LARGE1: variants seen among roughly 807,000 people sequenced by gnomAD.
The protein encoded by LARGE1 is xylosyl- and glucuronyltransferase LARGE1.
A neutral mutation model predicts 87.6 loss-of-function variants in LARGE1; 43 were observed. That is an observed-to-expected ratio of 0.49 (90% CI 0.38 to 0.63). LARGE1 has a LOEUF of 0.63. LARGE1 is among the 30% of genes least tolerant of loss of function. The probability of loss-of-function intolerance (pLI) is 0.00; values close to 1 mark genes in which losing one functional copy is unlikely to be tolerated. For synonymous variants in LARGE1, 434 were observed against 394.6 expected, an observed-to-expected ratio of 1.10 and a Z score of -1.18; for missense variants, 802 against 1,000.2, an observed-to-expected ratio of 0.80 and a Z score of 2.67.
At chr22:33,547,668 C>T (rs180928495) in intron 6 of LARGE1, among the ~76,000 whole-genome samples, 473 of 151,812 alleles carry the variant, frequency 3.1e-3, no homozygotes, top group African/African-American at 0.011. Flanking sequence ...GTGGCATGTA[C>T]CTGTAATTCC....
At chr22:33,399,953 C>G (rs931328002) in intron 7 of LARGE1, among the ~76,000 whole-genome samples, 8 of 152,200 alleles carry the variant, frequency 5.3e-5, no homozygotes, top group African/African-American at 1.7e-4. Context: ...CAGCTAATCA[C>G]TAAATCACAG....
intron 1 of LARGE1, among the ~76,000 whole-genome samples, chr22:33,908,079 C>T (rs1307812546): frequency 1.3e-5 from 2 of 152,302 alleles, no homozygotes; most frequent in South Asian, 2.1e-4. Context: ...TTCACATCAA[C>T]CCATCCACCA....
chr22:33,506,197 A>AAT (rs113938616), intron 6 of LARGE1, among the ~76,000 whole-genome samples: 3,694 of 149,132 alleles, frequency 0.025, 41 homozygotes, highest in Admixed American at 0.026. Context: ...TGTGCTACAT[A>AAT]ATATATATAT....
intron 6 of LARGE1, among the ~76,000 whole-genome samples, chr22:33,549,729 G>A (rs1301724766): frequency 2.6e-5 from 4 of 152,190 alleles, no homozygotes; most frequent in Non-Finnish European, 4.4e-5. Flanking sequence ...AAGAGCACAT[G>A]GATCGTGGAC....
chr22:33,650,542 G>A lies in LARGE1; in HGVS notation c.233C>T (p.Ala78Val). Reference protein sequence around the residue: ...RMREVEEENRALRRQLSLAQG... With the variant: ...RMREVEEENRVLRRQLSLAQG... ...GGCCAGGCTGAGCTGCCTGCGGAGG[G>A]CGCGGTTCTCCTCCTCCACCTCGCG... is the stretch of plus-strand genomic sequence containing the variant. The change falls in exon 3 of 15, where the codon GCC becomes GTC. Residue 78 changes from alanine to valine, a missense_variant. This residue lies in a region of LARGE1 where 177 missense variants were observed against 158.3 expected (regional missense o/e 1.12). Transcript: ENST00000397394. 4 of 1,610,366 alleles carry A rather than the reference G, an allele frequency of 2.5e-6. No homozygotes were observed. Among genetic ancestry groups the A allele is most frequent in the Non-Finnish European group, 2.5e-6 (3 of 1,179,958 alleles).
At position 33,241,224 on chromosome 22, in the gene LARGE1, C is replaced by G. The variant is rs189872825; in HGVS notation, c.1730+63005G>C. Among the ~76,000 whole-genome samples the G allele has an allele frequency of 2.0e-4, 30 of 152,226 alleles. No individual in the cohort carries two copies. The East Asian group carries it at 2.1e-3, about 11-fold the overall frequency. ...TTTCTTGAAGACATATGCTCTCTCT[C>G]TCTCTCACATCTGGACCTGAGCACA... On this transcript the variant is annotated intron_variant, in intron 11 of 11. Coordinates refer to the LARGE1 transcript ENST00000608642.
In LARGE1 at chr22:33,223,965, A is replaced by C. The variant is rs540002268; in HGVS notation, c.1731-57133T>G. The stretch of plus-strand genomic sequence containing the variant: ...TGCTCACAGCCACCTCTATGCCCCC[A>C]GCTCTGCAACAGCCTAGCACAGTGA... On this transcript the variant is annotated intron_variant, in intron 11 of 11. Transcript: ENST00000608642. Among the ~76,000 whole-genome samples, 61 of 152,296 alleles carry C rather than the reference A, an allele frequency of 4.0e-4. No individual in the cohort carries two copies. In the South Asian group the frequency reaches 6.4e-3, roughly 16 times the overall value.
At chr22:33,274,664 C>A (rs750145658) in intron 14 of LARGE1, 40 bp from the exon 15 acceptor site, 3 of 1,578,260 alleles carry the variant, frequency 1.9e-6, no homozygotes, top group Non-Finnish European at 2.6e-6. Flanking sequence ...CCGCAAGAGC[C>A]GAGGGTCATG....
intron 5 of LARGE1, among the ~76,000 whole-genome samples, chr22:33,597,098 G>A (rs1237147996): frequency 6.6e-6 from 1 of 152,104 alleles, no homozygotes; most frequent in Non-Finnish European, 1.5e-5. Context: ...CCAGCCTTAT[G>A]AGAGCATTTC....
intron 4 of LARGE1, among the ~76,000 whole-genome samples, chr22:33,620,777 C>T (rs1017378362): frequency 7.2e-5 from 11 of 152,072 alleles, no homozygotes; most frequent in Non-Finnish European, 7.4e-5. Flanking sequence ...ATTAGCCGGG[C>T]GTGGTGGTGC....
intron 1 of LARGE1, among the ~76,000 whole-genome samples, chr22:33,811,084 A>C (rs2146173192): frequency 6.6e-6 from 1 of 152,206 alleles, no homozygotes; most frequent in East Asian, 1.9e-4. Flanking sequence ...AGATGGGTAA[A>C]TTGGGTGTTC....
chr22:33,485,577 C>G (rs2069539763), intron 6 of LARGE1, among the ~76,000 whole-genome samples: 1 of 152,058 alleles, frequency 6.6e-6, no homozygotes, highest in Non-Finnish European at 1.5e-5. Context: ...AACTGTAATC[C>G]CATTAACTAG....
chr22:33,430,148 C>A (rs2067026534), intron 7 of LARGE1, among the ~76,000 whole-genome samples: 1 of 152,186 alleles, frequency 6.6e-6, no homozygotes, highest in African/African-American at 2.4e-5. Flanking sequence ...ACACCACAGG[C>A]TCCTTGACTT....
chr22:33,803,024 AC>A (rs2086209842), intron 1 of LARGE1, among the ~76,000 whole-genome samples: 1 of 152,198 alleles, frequency 6.6e-6, no homozygotes, highest in African/African-American at 2.4e-5. Flanking sequence ...AGATCAACAC[AC>A]AAATGAAAGC....
At chr22:33,232,355 G>C (rs1012270405) in intron 11 of LARGE1, among the ~76,000 whole-genome samples, 1 of 152,198 alleles carries the variant, frequency 6.6e-6, no homozygotes, top group African/African-American at 2.4e-5. Flanking sequence ...CAGCATCAAA[G>C]TGAAGTGCAC....
intron 1 of LARGE1, among the ~76,000 whole-genome samples, chr22:33,821,898 A>C (rs2086834540): frequency 6.6e-6 from 1 of 151,756 alleles, no homozygotes. Flanking sequence ...GAAATGGAAA[A>C]CTATAAACAG....
intron 6 of LARGE1, among the ~76,000 whole-genome samples, chr22:33,444,383 C>T (rs1049147294): frequency 4.6e-5 from 7 of 152,086 alleles, no homozygotes; most frequent in African/African-American, 7.2e-5. Context: ...ATTTTTTTCC[C>T]CTTATAGTAT....
Position 33,857,043 on chromosome 22 carries a change from A to G in LARGE1, c.-83+62952T>C, listed in dbSNP as rs1009383. ...CCTTCTGGATTCAAGTGATTCTTGT[A>G]CCTCAGTCTCCCCAGTAGCTGGGAT... On this transcript the variant is annotated intron_variant, in intron 1 of 14. Transcript: ENST00000397394. 0.82 allele frequency among the ~76,000 whole-genome samples: 124,782 copies of G among 152,164 alleles called. 51,247 individuals are homozygous for G. The highest frequency in any genetic ancestry group is 0.88 in the South Asian group (4,255 of 4,824).
rs150298108 is a variant in LARGE1 at position 33,503,320 on chromosome 22, G to A, written c.787+61528C>T. On this transcript the variant is annotated intron_variant, in intron 6 of 14. Coordinates refer to ENST00000397394, the MANE Select transcript of LARGE1 (RefSeq NM_133642.5). Reference sequence around the variant, plus strand: ...TGCCCAGGTTGGAGTGCAGTGGTGCGATCTCGGCTCACTGCAACCTCCGCC... The same window carrying A: ...TGCCCAGGTTGGAGTGCAGTGGTGCAATCTCGGCTCACTGCAACCTCCGCC... Among the ~76,000 whole-genome samples the A allele has an allele frequency of 4.8e-3, 712 of 148,816 alleles. 4 individuals are homozygous for A. Among genetic ancestry groups the A allele is most frequent in the South Asian group, 0.019 (87 of 4,650 alleles).
Sources: gnomAD v4.1 joint callset for allele counts (sites outside exome capture counted in the v4.1 genomes callset) on GRCh38, gnomAD v4.1.1 for gene constraint, gnomAD v4.1.1 regional missense constraint, MANE v1.5 for transcripts, NCBI Gene and HGNC (gene_info 2026-07-23, HGNC 2026-07-21) for gene names.